Variants in KCND2 observed in about 807,000 individuals in gnomAD.
KCND2 encodes potassium voltage-gated channel subfamily D member 2.
Under a neutral mutation model 54.4 loss-of-function variants are expected in KCND2, and 16 were observed. That is an observed-to-expected ratio of 0.29 (90% CI 0.20 to 0.45). The LOEUF (loss-of-function observed/expected upper bound fraction) is 0.45, where lower values mean the gene tolerates loss of function less well. Among genes scored for constraint, KCND2 ranks in the 20% least tolerant of loss-of-function variants. The pLI, the probability that KCND2 is intolerant of heterozygous loss-of-function variation, is 1.00. For missense variants in KCND2, 486 were observed against 824.2 expected, an observed-to-expected ratio of 0.59 and a Z score of 5.02; for synonymous variants, 317 against 310.7, an observed-to-expected ratio of 1.02 and a Z score of -0.21.
At chr7:120,284,295 GCACACA>G (rs138409453) in intron 1 of KCND2, among the ~76,000 whole-genome samples, 1 of 150,920 alleles carries the variant, frequency 6.6e-6, no homozygotes, top group African/African-American at 2.4e-5. Context: ...ACATGCACAC[GCACACA>G]CACACACGCG....
At chr7:120,444,994 C>T (rs934233516) in intron 1 of KCND2, among the ~76,000 whole-genome samples, 1 of 152,006 alleles carries the variant, frequency 6.6e-6, no homozygotes, top group African/African-American at 2.4e-5. Flanking sequence ...ATTTTCTGCC[C>T]ACTTCACAAA....
chr7:120,600,648 C>T lies in KCND2; in HGVS notation c.1116-132255C>T, dbSNP rs115389910. Among the ~76,000 whole-genome samples, 748 of 152,022 alleles carry T rather than the reference C, an allele frequency of 4.9e-3. 8 individuals carry two copies. The highest frequency in any genetic ancestry group is 0.017 in the African/African-American group (704 of 41,502). ...GACAAACAATGATTTGTCTAATTACCGGATGAGCATCATTGCTCATAGTAA... is the reference window on the plus strand; with the variant it reads ...GACAAACAATGATTTGTCTAATTACTGGATGAGCATCATTGCTCATAGTAA... On this transcript the variant is annotated intron_variant, in intron 1 of 5. Transcript: ENST00000331113.
At chr7:120,612,824 A>G (rs1792973379) in intron 1 of KCND2, among the ~76,000 whole-genome samples, 1 of 152,242 alleles carries the variant, frequency 6.6e-6, no homozygotes, top group Non-Finnish European at 1.5e-5. Context: ...AGTCTCATAC[A>G]GTTACTTTTG....
At chr7:120,359,014 G>T (rs998392585) in intron 1 of KCND2, among the ~76,000 whole-genome samples, 1 of 152,174 alleles carries the variant, frequency 6.6e-6, no homozygotes, top group Non-Finnish European at 1.5e-5. Flanking sequence ...TAGAGAGAAA[G>T]AGAAACCCTT....
chr7:120,583,789 G>A (rs530362161), intron 1 of KCND2, among the ~76,000 whole-genome samples: 2 of 149,344 alleles, frequency 1.3e-5, no homozygotes, highest in African/African-American at 5.0e-5. Flanking sequence ...AATTGTGGGG[G>A]GGGGGACAAA....
intron 1 of KCND2, among the ~76,000 whole-genome samples, chr7:120,607,039 A>G (rs1792890401): frequency 6.6e-6 from 1 of 152,132 alleles, no homozygotes; most frequent in African/African-American, 2.4e-5. Context: ...TTTCATGTTA[A>G]ACTAACCCTA....
chr7:120,695,019 G>T (rs970921011), intron 1 of KCND2, among the ~76,000 whole-genome samples: 8 of 152,072 alleles, frequency 5.3e-5, no homozygotes, highest in African/African-American at 1.7e-4. Flanking sequence ...AGCAAATACT[G>T]TAAACTGGAT....
intron 1 of KCND2, among the ~76,000 whole-genome samples, chr7:120,506,376 G>A (rs1034969043): frequency 6.6e-6 from 1 of 151,722 alleles, no homozygotes; most frequent in South Asian, 2.1e-4. Flanking sequence ...TTCCACTTAT[G>A]GACCAATTAG....
At chr7:120,654,891 T>C (rs1465833732) in intron 1 of KCND2, among the ~76,000 whole-genome samples, 1 of 152,070 alleles carries the variant, frequency 6.6e-6, no homozygotes, top group Non-Finnish European at 1.5e-5. Flanking sequence ...CCTAAAAGGA[T>C]ACACAAGAAA....
chr7:120,452,113 A>G (rs1286358732), intron 1 of KCND2, among the ~76,000 whole-genome samples: 2 of 152,266 alleles, frequency 1.3e-5, no homozygotes, highest in Non-Finnish European at 2.9e-5. Flanking sequence ...ATATGAGAAT[A>G]TAATGGAAAC....
intron 1 of KCND2, among the ~76,000 whole-genome samples, chr7:120,322,810 T>C (rs2116332565): frequency 6.6e-6 from 1 of 152,188 alleles, no homozygotes; most frequent in Admixed American, 6.6e-5. Context: ...AGAAAATCTG[T>C]CTGAATACAC....
At chr7:120,456,264 T>C (rs1802199579) in intron 1 of KCND2, among the ~76,000 whole-genome samples, 1 of 152,202 alleles carries the variant, frequency 6.6e-6, no homozygotes, top group African/African-American at 2.4e-5. Context: ...AAGTAATGAC[T>C]AGGTAGGTGG....
rs531896846 is a variant in KCND2, at chr7:120,378,285, C to A, written c.1115+102538C>A. Among the ~76,000 whole-genome samples the A allele has an allele frequency of 5.3e-5, 8 of 151,932 alleles. 1 individual carries two copies. The South Asian group carries it at 8.3e-4, about 16-fold the overall frequency. On this transcript the variant is annotated intron_variant, in intron 1 of 5. Transcript: ENST00000331113. The stretch of plus-strand genomic sequence containing the variant: ...GGGCTGAAAAGATGACTTATACTAG[C>A]GGCAGAATCATGAAAAACCAAGTAT...
chr7:120,674,642 T>C (rs759973650), intron 1 of KCND2, among the ~76,000 whole-genome samples: 5 of 152,180 alleles, frequency 3.3e-5, no homozygotes, highest in Non-Finnish European at 7.3e-5. Flanking sequence ...TCCCTCCAGA[T>C]ACTAAATTTT....
chr7:120,398,986 T>C (rs937339586), intron 1 of KCND2, among the ~76,000 whole-genome samples: 28 of 151,928 alleles, frequency 1.8e-4, no homozygotes, highest in African/African-American at 6.8e-4. Flanking sequence ...ATAAAGCCTT[T>C]TTTAAATCAC....
intron 1 of KCND2, among the ~76,000 whole-genome samples, chr7:120,408,176 G>A (rs1433620504): frequency 2.6e-5 from 4 of 151,912 alleles, no homozygotes; most frequent in African/African-American, 9.7e-5. Flanking sequence ...GAGAATACAT[G>A]TTGAGTTTGT....
At chr7:120,293,652 C>T (rs1203546268) in intron 1 of KCND2, among the ~76,000 whole-genome samples, 2 of 151,832 alleles carry the variant, frequency 1.3e-5, no homozygotes, top group Non-Finnish European at 2.9e-5. Context: ...TCATCGTTAT[C>T]ACAGAAGCTC....
chr7:120,430,948 G>T lies in KCND2; in HGVS notation c.1115+155201G>T, dbSNP rs1404609250. 3.9e-5 allele frequency among the ~76,000 whole-genome samples: 6 copies of T among 152,114 alleles called. No individual in the cohort carries two copies. In the East Asian group the frequency reaches 1.2e-3, roughly 29 times the overall value. ...TTAATGAATGAGTTAATAAATTTCT[G>T]TACAAATATCTAATGTGGCAAATAT... is the stretch of plus-strand genomic sequence containing the variant. On this transcript the variant is annotated intron_variant, in intron 1 of 5. Coordinates refer to ENST00000331113, the MANE Select transcript of KCND2 (RefSeq NM_012281.3).
intron 1 of KCND2, among the ~76,000 whole-genome samples, chr7:120,652,026 A>G (rs1245500472): frequency 6.6e-6 from 1 of 152,096 alleles, no homozygotes; most frequent in Non-Finnish European, 1.5e-5. Flanking sequence ...CTGCCTTCCA[A>G]ATGAACCAAA....
Sources: allele counts gnomAD v4.1 joint callset (sites outside exome capture counted in the v4.1 genomes callset), GRCh38; gene constraint gnomAD v4.1.1; transcripts MANE v1.5; gene names NCBI Gene and HGNC (gene_info 2026-07-23, HGNC 2026-07-21).